The following PUM1 variants were observed in gnomAD, a reference collection of about 807,000 sequenced individuals.
The protein encoded by PUM1 is pumilio RNA binding family member 1.
In PUM1, 13 loss-of-function variants were observed where a neutral mutation model predicts 131.8. That is an observed-to-expected ratio of 0.10 (90% CI 0.06 to 0.16). The LOEUF is 0.16. Ranked by LOEUF, PUM1 falls within the 10% of genes least tolerant of loss-of-function variation. The pLI is 1.00. For synonymous variants in PUM1, 509 were observed against 556.5 expected, an observed-to-expected ratio of 0.91 and a Z score of 1.20; for missense variants, 961 against 1,512.4, an observed-to-expected ratio of 0.64 and a Z score of 6.05.
chr1:30,955,464 GAA>G (rs201119840), intron 14 of PUM1, among the ~76,000 whole-genome samples: 5 of 122,074 alleles, frequency 4.1e-5, no homozygotes, highest in Admixed American at 1.7e-4. Flanking sequence ...GACTCCATCT[GAA>G]AAAAAAAAAA....
intron 9 of PUM1, among the ~76,000 whole-genome samples, chr1:30,978,731 A>T (rs1641238760): frequency 6.6e-6 from 1 of 152,236 alleles, no homozygotes; most frequent in Admixed American, 6.5e-5. Context: ...CATCACGGTG[A>T]CGGTAACTGT....
intron 17 of PUM1, among the ~76,000 whole-genome samples, chr1:30,946,572 G>T (rs1639680939): frequency 6.7e-6 from 1 of 149,632 alleles, no homozygotes; most frequent in African/African-American, 2.5e-5. Flanking sequence ...TGGAGGCGGA[G>T]GTTGCAGTGA....
intron 5 of PUM1, among the ~76,000 whole-genome samples, chr1:30,997,825 C>T (rs80070009): frequency 3.9e-5 from 6 of 152,074 alleles, no homozygotes; most frequent in African/African-American, 1.4e-4. Context: ...CTGCCTCAGC[C>T]TCCCCAGTAG....
chr1:30,967,963 AGG>A (rs1267032813), intron 11 of PUM1, among the ~76,000 whole-genome samples: 2 of 152,236 alleles, frequency 1.3e-5, no homozygotes, highest in East Asian at 3.8e-4. Context: ...TAAAAACGTA[AGG>A]GATGACCCTA....
At chr1:31,003,042 A>T (rs1249271147) in intron 5 of PUM1, among the ~76,000 whole-genome samples, 1 of 152,226 alleles carries the variant, frequency 6.6e-6, no homozygotes. Flanking sequence ...GTGTGTTAAG[A>T]ATAACTTCTT....
chr1:30,945,311 A>G, intron 18 of PUM1, 35 bp downstream of exon 18: 1 of 1,608,216 alleles, frequency 6.2e-7, no homozygotes, highest in Non-Finnish European at 8.5e-7. Flanking sequence ...AAGGAAATAA[A>G]TTTGTTTCCA....
At chr1:31,063,761 T>C (rs964948390) in intron 1 of PUM1, among the ~76,000 whole-genome samples, 4 of 152,188 alleles carry the variant, frequency 2.6e-5, no homozygotes, top group South Asian at 2.1e-4. Context: ...AACGAAACAA[T>C]TGGCTTTTGT....
intron 5 of PUM1, among the ~76,000 whole-genome samples, chr1:30,997,240 G>A (rs941852881): frequency 6.6e-6 from 1 of 152,148 alleles, no homozygotes. Flanking sequence ...AGGGCCAGGC[G>A]CAGTGGCTCA....
At chr1:31,024,474 T>C (rs567043670) in intron 3 of PUM1, among the ~76,000 whole-genome samples, 1 of 152,336 alleles carries the variant, frequency 6.6e-6, no homozygotes, top group Admixed American at 6.5e-5. Context: ...TAGATTTCCT[T>C]TGTCAGGTTT....
intron 3 of PUM1, among the ~76,000 whole-genome samples, chr1:31,011,180 C>T (rs1435944689): frequency 2.3e-5 from 3 of 130,788 alleles, no homozygotes; most frequent in Non-Finnish European, 5.1e-5. Flanking sequence ...CACACACACA[C>T]ACACACACAC....
At chr1:30,998,927 G>A (rs892277297) in intron 5 of PUM1, among the ~76,000 whole-genome samples, 1 of 152,184 alleles carries the variant, frequency 6.6e-6, no homozygotes, top group Non-Finnish European at 1.5e-5. Context: ...AATGGGCTAA[G>A]TTTTATGAAA....
chr1:30,936,396 C>G (rs1639211485), intron 21 of PUM1, among the ~76,000 whole-genome samples: 1 of 152,150 alleles, frequency 6.6e-6, no homozygotes, highest in African/African-American at 2.4e-5. Flanking sequence ...CTCTAGAGAT[C>G]AGGGATGGAA....
Position 31,065,658 on chromosome 1 carries a change from TTC to T in PUM1, c.-56_-55del, listed in dbSNP as rs1644468263. 1.9e-6 allele frequency: 3 copies of T among 1,549,642 alleles called. No individual in the cohort carries two copies. The highest frequency in any genetic ancestry group is 2.4e-5 in the East Asian group (1 of 40,846). On this transcript the variant is annotated 5_prime_UTR_variant, in exon 1 of 22. Transcript: ENST00000426105. Reference sequence around the variant, plus strand: ...GAAGATGGATTTCAGCCCCCCGATCTTCTCTCTCTGGCGCTCTCGCTCCCCCT... The same window carrying T: ...GAAGATGGATTTCAGCCCCCCGATCTTCTCTCTGGCGCTCTCGCTCCCCCT...
chr1:30,967,035 T>C (rs1640650313), intron 12 of PUM1, 132 bp downstream of exon 12: 3 of 1,143,770 alleles, frequency 2.6e-6, no homozygotes, highest in Non-Finnish European at 3.6e-6. Context: ...TTCTGATCTC[T>C]TTTTGAAACA....
chr1:30,978,016 G>A (rs1380634845), intron 9 of PUM1, among the ~76,000 whole-genome samples: 2 of 152,160 alleles, frequency 1.3e-5, no homozygotes, highest in African/African-American at 2.4e-5. Context: ...AGGCCAAGGA[G>A]GGTGGATCAC....
chr1:30,945,921 G>T (rs1277075746), intron 17 of PUM1, among the ~76,000 whole-genome samples: 2 of 152,070 alleles, frequency 1.3e-5, no homozygotes, highest in African/African-American at 4.8e-5. Context: ...GAGTAGCTGG[G>T]ATTACAGGTG....
At chr1:30,967,527 T>C (rs1433605703) in intron 11 of PUM1, among the ~76,000 whole-genome samples, 1 of 152,068 alleles carries the variant, frequency 6.6e-6, no homozygotes, top group Non-Finnish European at 1.5e-5. Flanking sequence ...AGAACAAATA[T>C]CCTGCAAAAT....
At chr1:30,984,122 T>C (rs1028367014) in intron 7 of PUM1, among the ~76,000 whole-genome samples, 15 of 152,364 alleles carry the variant, frequency 9.8e-5, no homozygotes, top group African/African-American at 3.4e-4. Context: ...ATATAGCCTA[T>C]GTTTGAGAGC....
At position 30,989,187 on chromosome 1, in the gene PUM1, T is replaced by TCTA. The variant is rs549273970; in HGVS notation, c.1158+3200_1158+3202dup. ...AACCAGACTGACTACTTCTACATTA[T>TCTA]CTACTGAACACATATCTGTTTTACT... On this transcript the variant is annotated intron_variant, in intron 7 of 21. Transcript: ENST00000426105. Among the ~76,000 whole-genome samples the TCTA allele has an allele frequency of 4.0e-3, 608 of 152,280 alleles. 2 individuals carry two copies. The highest frequency in any genetic ancestry group is 9.9e-3 in the South Asian group (48 of 4,826).
Sources: allele counts gnomAD v4.1 joint callset (sites outside exome capture counted in the v4.1 genomes callset), GRCh38; gene constraint gnomAD v4.1.1; transcripts MANE v1.5; gene names NCBI Gene and HGNC (gene_info 2026-07-23, HGNC 2026-07-21).